The following CPXM2 variants were observed in gnomAD, a reference collection of about 807,000 sequenced individuals.
The protein encoded by CPXM2 is inactive carboxypeptidase-like protein X2.
CPXM2 carries 66 observed loss-of-function variants against 86.1 expected under a neutral mutation model. That is an observed-to-expected ratio of 0.77 (90% CI 0.63 to 0.94). The LOEUF (loss-of-function observed/expected upper bound fraction) is 0.94. Ranked by LOEUF, CPXM2 falls within the 40% of genes least tolerant of loss-of-function variation. The probability of loss-of-function intolerance (pLI) is 0.00; values close to 1 mark genes in which losing one functional copy is unlikely to be tolerated. For synonymous variants in CPXM2, 388 were observed against 400.2 expected, an observed-to-expected ratio of 0.97 and a Z score of 0.36; for missense variants, 948 against 1,026.3, an observed-to-expected ratio of 0.92 and a Z score of 1.04.
At chr10:123,921,742 G>A (rs1206103733) in intron 2 of CPXM2, among the ~76,000 whole-genome samples, 2 of 152,218 alleles carry the variant, frequency 1.3e-5, no homozygotes, top group Admixed American at 6.5e-5. Flanking sequence ...TTGTTAGCCT[G>A]AGTGAAGAAG....
chr10:123,790,206 G>C (rs1847175266), intron 6 of CPXM2, among the ~76,000 whole-genome samples: 1 of 152,194 alleles, frequency 6.6e-6, no homozygotes, highest in South Asian at 2.1e-4. Flanking sequence ...GGTGACTCAG[G>C]ATAATTCAGG....
chr10:123,845,669 C>T (rs929950495), intron 3 of CPXM2, among the ~76,000 whole-genome samples: 12 of 151,892 alleles, frequency 7.9e-5, no homozygotes, highest in Admixed American at 5.2e-4. Flanking sequence ...GGGAAAAAAA[C>T]GACCAAATAA....
intron 7 of CPXM2, among the ~76,000 whole-genome samples, chr10:123,772,134 T>A (rs574299682): frequency 1.3e-5 from 2 of 152,314 alleles, no homozygotes; most frequent in East Asian, 1.9e-4. Flanking sequence ...TCCCTGGTTG[T>A]GGTTATTACC....
At chr10:123,892,155 G>A (rs1371554036), upstream of CPXM2, among the ~76,000 whole-genome samples, 2 of 152,142 alleles carry the variant, frequency 1.3e-5, no homozygotes, top group South Asian at 2.1e-4. Context: ...GTAAATCAGA[G>A]CCCAAGCAGC....
At chr10:123,781,942 C>T (rs1846944337) in intron 6 of CPXM2, among the ~76,000 whole-genome samples, 1 of 152,220 alleles carries the variant, frequency 6.6e-6, no homozygotes. Context: ...GAGAACAGCC[C>T]ACTTGCAACA....
At chr10:123,890,803 C>T (rs1945253299) in intron 1 of CPXM2, among the ~76,000 whole-genome samples, 2 of 152,176 alleles carry the variant, frequency 1.3e-5, no homozygotes, top group African/African-American at 4.8e-5. Context: ...CAGGCACAGA[C>T]TCCCCAGTGG....
chr10:123,884,563 G>A (rs754971400), intron 1 of CPXM2, among the ~76,000 whole-genome samples: 3 of 152,202 alleles, frequency 2.0e-5, no homozygotes, highest in Admixed American at 6.5e-5. Context: ...GGACTGATGC[G>A]CTGGCTTCTA....
intron 4 of CPXM2, among the ~76,000 whole-genome samples, chr10:123,807,804 T>G (rs995696787): frequency 6.6e-6 from 1 of 152,246 alleles, no homozygotes. Flanking sequence ...TGTCACTGTT[T>G]CCTGGTCTTC....
At chr10:123,880,145 T>TTGGGGGCCCCC in intron 2 of CPXM2, 66 bp downstream of exon 2, 6 of 407,580 alleles carry the variant, frequency 1.5e-5, no homozygotes, top group Admixed American at 3.3e-5. Flanking sequence ...CAGGGGCCTG[T>TTGGGGGCCCCC]ACCCACCCAC....
chr10:123,888,571 T>C (rs764693458), intron 1 of CPXM2, among the ~76,000 whole-genome samples: 24 of 152,354 alleles, frequency 1.6e-4, no homozygotes, highest in Middle Eastern at 3.4e-3. Flanking sequence ...AAGCCGCTAC[T>C]TAAAGTAGAA....
At chr10:123,803,227 G>A (rs1847501636) in intron 4 of CPXM2, among the ~76,000 whole-genome samples, 1 of 139,204 alleles carries the variant, frequency 7.2e-6, no homozygotes, top group Non-Finnish European at 1.5e-5. Context: ...AGCCTCCCAA[G>A]TGGCTGGGAC....
chr10:123,867,418 G>T (rs1015945822), intron 2 of CPXM2, among the ~76,000 whole-genome samples: 7 of 151,406 alleles, frequency 4.6e-5, no homozygotes, highest in African/African-American at 1.5e-4. Context: ...ACATAATATT[G>T]AAATACTCAT....
At chr10:123,909,867 G>T (rs184676042) in intron 2 of CPXM2, among the ~76,000 whole-genome samples, 1 of 152,300 alleles carries the variant, frequency 6.6e-6, no homozygotes, top group East Asian at 1.9e-4. Flanking sequence ...TGAGGGCCAT[G>T]GAGCAGTGCC....
chr10:123,880,372 G>C, intron 1 of CPXM2, 63 bp from the exon 2 acceptor site: 2 of 779,084 alleles, frequency 2.6e-6, no homozygotes, highest in Admixed American at 1.7e-5. Context: ...AAGATGCTAA[G>C]AGTTCAACTG....
intron 3 of CPXM2, among the ~76,000 whole-genome samples, chr10:123,854,364 AT>A (rs1848664191): frequency 1.3e-5 from 1 of 79,032 alleles, no homozygotes; most frequent in Non-Finnish European, 2.4e-5. Context: ...ATATAAAAAT[AT>A]ATATATATAA....
chr10:123,913,113 G>A (rs1273432794), intron 2 of CPXM2, among the ~76,000 whole-genome samples: 1 of 152,208 alleles, frequency 6.6e-6, no homozygotes, highest in Non-Finnish European at 1.5e-5. Context: ...ATTAATGAGT[G>A]TGGAGTTTGG....
At chr10:123,787,814 C>T (rs1176555522) in intron 6 of CPXM2, among the ~76,000 whole-genome samples, 2 of 152,056 alleles carry the variant, frequency 1.3e-5, no homozygotes, top group South Asian at 2.1e-4. Flanking sequence ...CTATCCAGAC[C>T]GGCAGACCCA....
intron 4 of CPXM2, among the ~76,000 whole-genome samples, chr10:123,833,076 A>G (rs1391041800): frequency 6.6e-6 from 1 of 152,212 alleles, no homozygotes; most frequent in East Asian, 1.9e-4. Flanking sequence ...CTAAACGGTG[A>G]GAAACAAACT....
At chr10:123,925,389 T>C (rs986006105) in intron 2 of CPXM2, among the ~76,000 whole-genome samples, 1 of 152,230 alleles carries the variant, frequency 6.6e-6, no homozygotes, top group Admixed American at 6.5e-5. Context: ...TTCCAGTGAA[T>C]CCAAGATCAC....
Sources: allele counts gnomAD v4.1 joint callset (sites outside exome capture counted in the v4.1 genomes callset), GRCh38; gene constraint gnomAD v4.1.1; transcripts MANE v1.5; gene names NCBI Gene and HGNC (gene_info 2026-07-23, HGNC 2026-07-21).